Variants in ADGRF1 observed in about 807,000 individuals in gnomAD.
ADGRF1 encodes the protein adhesion G protein-coupled receptor F1, also known as G protein-coupled receptor 110.
In ADGRF1, 85 loss-of-function variants were observed where a neutral mutation model predicts 87.2. The ratio of observed to expected loss-of-function variants is 0.97; its 90% CI spans 0.82 to 1.17. ADGRF1 has a LOEUF of 1.17. ADGRF1 is among the 50% of genes most tolerant of loss of function. ADGRF1 has a pLI of 0.00. For synonymous variants in ADGRF1, 430 were observed against 408.8 expected (o/e 1.05, Z -0.63); for missense variants, 1,169 against 1,077.2 (o/e 1.09, Z -1.19).
intron 1 of ADGRF1, among the ~76,000 whole-genome samples, chr6:47,041,260 A>G (rs1055973603): frequency 5.3e-5 from 8 of 152,376 alleles, no homozygotes; most frequent in Middle Eastern, 6.8e-3. Flanking sequence ...ACAGAGCATA[A>G]TAAAAGGCTT....
chr6:47,030,487 A>G (rs960510906), intron 1 of ADGRF1, among the ~76,000 whole-genome samples: 1 of 151,880 alleles, frequency 6.6e-6, no homozygotes, highest in African/African-American at 2.4e-5. Context: ...TCTGCTTTCT[A>G]AAAGTGATGA....
intron 1 of ADGRF1, among the ~76,000 whole-genome samples, chr6:47,033,859 T>C (rs1780508478): frequency 6.6e-6 from 1 of 152,134 alleles, no homozygotes; most frequent in African/African-American, 2.4e-5. Flanking sequence ...AGAAAATAGG[T>C]GGGAGGACAG....
At position 47,026,907 on chromosome 6, in the gene ADGRF1, A is replaced by C. The variant is rs73736336; in HGVS notation, c.127+797T>G. On this transcript the variant is annotated intron_variant, in intron 3 of 14. Transcript: ENST00000371253. ...AGGTGTGCAGTGGGGAACAGGGAAA[A>C]GGATGGCCCTGCTCACATCGTCAGG... Among the ~76,000 whole-genome samples, 434 of 152,238 alleles carry C rather than the reference A, an allele frequency of 2.9e-3. 3 individuals carry two copies. The highest frequency in any genetic ancestry group is 0.01 in the African/African-American group (424 of 41,532).
chr6:47,013,678 C>G (rs1779774256), intron 9 of ADGRF1: 1 of 984,742 alleles, frequency 1.0e-6, no homozygotes, highest in Non-Finnish European at 1.2e-6. Flanking sequence ...TGGTTTGGCT[C>G]TGTGTCCCCA....
In ADGRF1 at chr6:46,998,627, T is replaced by G. The variant is rs1779274244; in HGVS notation, c.*1595A>C. On this transcript the variant is annotated 3_prime_UTR_variant, in exon 15 of 15. Coordinates refer to ENST00000371253, the MANE Select transcript of ADGRF1 (RefSeq NM_153840.4). The stretch of plus-strand genomic sequence containing the variant: ...CAGCCATGCATCCTAATTGTTGTGG[T>G]TCTGAGAAATCTGAGCTATCTGAGC... 1 of 152,220 alleles carries G rather than the reference T, an allele frequency of 6.6e-6. No homozygotes were observed. Among genetic ancestry groups the G allele is most frequent in the Admixed American group, 6.5e-5 (1 of 15,282 alleles). The allele number at this position is 152,220 out of a possible 1,614,324, so 9.4% of individuals were successfully genotyped here.
chr6:47,012,015 T>A lies in ADGRF1; in HGVS notation c.1108A>T (p.Thr370Ser). 6.2e-7 allele frequency: 1 copy of A among 1,613,352 alleles called. No individual in the cohort carries two copies. Among genetic ancestry groups the A allele is most frequent in the Non-Finnish European group, 8.5e-7 (1 of 1,179,428 alleles). The change falls in exon 10 of 15, where the codon ACA (threonine) becomes TCA (serine). Residue 370 changes from threonine to serine, a missense_variant. Coordinates refer to ENST00000371253, the MANE Select transcript of ADGRF1 (RefSeq NM_153840.4). ...GCACAGGCAGACCATACCTCCATTG[T>A]TGAATTGGACACCCTGAAATGGCTG... The part of the protein sequence containing the change: ...LASHFRVSNS[T>S]MEDVISIADN...
rs1779663921 is a variant in ADGRF1, at chr6:47,010,167, T to A, written c.1268A>T (p.Asn423Ile). 1 of 1,614,130 alleles carries A rather than the reference T, an allele frequency of 6.2e-7. No homozygotes were observed. Among genetic ancestry groups the A allele is most frequent in the Non-Finnish European group, 8.5e-7 (1 of 1,180,006 alleles). ...TLVPPTALPL[N>I]FSRKFIDWKG... ...CCAGTCAATGAATTTCCGAGAAAAATTCAGAGGAAGAGCTGTCGGAGGCAC... is the reference window on the plus strand; with the variant it reads ...CCAGTCAATGAATTTCCGAGAAAAAATCAGAGGAAGAGCTGTCGGAGGCAC... The change falls in exon 11 of 15, where the codon AAT becomes ATT. Residue 423 changes from asparagine (N) to isoleucine (I), a missense_variant. Transcript: ENST00000371253.
Position 47,009,439 on chromosome 6 carries a change from A to C in ADGRF1, c.1996T>G (p.Phe666Val). ...VCTAAVFFTH[F>V]FYLSLFFWML... ...CAGAAGAACAAAGAGAGGTAGAAGA[A>C]GTGTGTAAAGAACACAGCAGCTGTG... Residue 666 changes from phenylalanine to valine, a missense_variant, in exon 11 of 15, where the codon TTC (phenylalanine) becomes GTC (valine). Coordinates refer to ENST00000371253, the MANE Select transcript of ADGRF1 (RefSeq NM_153840.4). 6.2e-7 allele frequency: 1 copy of C among 1,613,948 alleles called. No individual in the cohort carries two copies. Among genetic ancestry groups the C allele is most frequent in the Non-Finnish European group, 8.5e-7 (1 of 1,179,954 alleles).
intron 5 of ADGRF1, 109 bp downstream of exon 5, chr6:47,023,935 A>T: frequency 1.0e-6 from 1 of 986,484 alleles, no homozygotes. Context: ...ACTGTCCCTC[A>T]ATCTCCCTGT....
At chr6:47,001,048 G>A (rs999366513) in intron 14 of ADGRF1, among the ~76,000 whole-genome samples, 1 of 152,268 alleles carries the variant, frequency 6.6e-6, no homozygotes, top group Non-Finnish European at 1.5e-5. Flanking sequence ...ACTCTTAGCA[G>A]GTGTGGCCCC....
chr6:47,035,139 G>A (rs79484161), intron 1 of ADGRF1, among the ~76,000 whole-genome samples: 1 of 152,338 alleles, frequency 6.6e-6, no homozygotes, highest in Non-Finnish European at 1.5e-5. Flanking sequence ...CTCATGGGTT[G>A]GCTCTATTCC....
In ADGRF1 at chr6:47,009,676, A is replaced by G. The variant is rs765841675; in HGVS notation, c.1759T>C (p.Trp587Arg). ...VPSTIFPVVK[W>R]ITYVGLGISI... is the part of the protein sequence containing the mutation. ...ATACCCAGTCCCACATAGGTGATCC[A>G]TTTTACAACGGGGAAGATTGTAGAG... is the stretch of plus-strand genomic sequence containing the variant. Residue 587 changes from tryptophan to arginine, a missense_variant, in exon 11 of 15, where the codon TGG becomes CGG. Physicochemically the swap from Trp to Arg is moderately radical, Grantham distance 101. Coordinates refer to ENST00000371253, the MANE Select transcript of ADGRF1 (RefSeq NM_153840.4). The G allele has an allele frequency of 3.7e-6, 6 of 1,614,196 alleles. No homozygotes were observed. Among genetic ancestry groups the G allele is most frequent in the Non-Finnish European group, 4.2e-6 (5 of 1,180,026 alleles).
chr6:47,034,408 T>C (rs1265518982), intron 1 of ADGRF1, among the ~76,000 whole-genome samples: 1 of 152,234 alleles, frequency 6.6e-6, no homozygotes, highest in South Asian at 2.1e-4. Context: ...GCTAAGAACC[T>C]ACTAAGAATT....
At chr6:47,038,336 G>A (rs1780649490) in intron 1 of ADGRF1, among the ~76,000 whole-genome samples, 1 of 152,186 alleles carries the variant, frequency 6.6e-6, no homozygotes, top group East Asian at 1.9e-4. Context: ...TAGGTTTTCA[G>A]ATTTCCTTTC....
intron 13 of ADGRF1, among the ~76,000 whole-genome samples, chr6:47,002,721 G>T (rs1298548319): frequency 6.6e-6 from 1 of 152,076 alleles, no homozygotes; most frequent in African/African-American, 2.4e-5. Flanking sequence ...GTGGAGGGGG[G>T]TCCATTGAGG....
At position 47,016,664 on chromosome 6, in the gene ADGRF1, T is replaced by A. The variant is rs1946038250; in HGVS notation, c.716A>T (p.His239Leu). 1 of 1,611,426 alleles carries A rather than the reference T, an allele frequency of 6.2e-7. No individual in the cohort carries two copies. Among genetic ancestry groups the A allele is most frequent in the South Asian group, 1.1e-5 (1 of 90,784 alleles). ...GCCGTCTTCTAATGGAAACAGCTTGTGAAGGGCTGTCTTAGCCTTCTCGGC... is the reference window on the plus strand; with the variant it reads ...GCCGTCTTCTAATGGAAACAGCTTGAGAAGGGCTGTCTTAGCCTTCTCGGC... ...HVAEKAKTAL[H>L]KLFPLEDGSF... is the part of the protein sequence containing the mutation. Residue 239 changes from histidine (H) to leucine (L), a missense_variant, in exon 8 of 15, where the codon CAC (histidine) becomes CTC (leucine). By Grantham distance (99) the His-to-Leu change is moderately conservative. Transcript: ENST00000371253.
intron 8 of ADGRF1, among the ~76,000 whole-genome samples, chr6:47,015,385 A>G (rs942181010): frequency 2.0e-5 from 3 of 151,712 alleles, no homozygotes; most frequent in African/African-American, 7.3e-5. Context: ...GGAGATGGAA[A>G]CATTAACTGG....
At chr6:47,011,573 G>C (rs1779708241) in intron 10 of ADGRF1, among the ~76,000 whole-genome samples, 1 of 152,164 alleles carries the variant, frequency 6.6e-6, no homozygotes, top group African/African-American at 2.4e-5. Flanking sequence ...TAGTGACCAA[G>C]TATCATTTAT....
At chr6:47,014,583 A>G in intron 9 of ADGRF1, 98 bp downstream of exon 9, 1 of 1,525,686 alleles carries the variant, frequency 6.6e-7, no homozygotes, top group East Asian at 2.3e-5. Flanking sequence ...CCAATGATGC[A>G]CGTAGGTATA....
Sources: gnomAD v4.1 joint callset for allele counts (sites outside exome capture counted in the v4.1 genomes callset) on GRCh38, gnomAD v4.1.1 for gene constraint, MANE v1.5 for transcripts, NCBI Gene and HGNC (gene_info 2026-07-23, HGNC 2026-07-21) for gene names.